Variants in AVEN observed in about 807,000 individuals in gnomAD.
The protein encoded by AVEN is apoptosis and caspase activation inhibitor, also known as cell death regulator Aven.
Under a neutral mutation model 38.1 loss-of-function variants are expected in AVEN, and 41 were observed. The ratio of observed to expected loss-of-function variants is 1.08; its 90% CI spans 0.84 to 1.40. The LOEUF is 1.40. Among genes scored for constraint, AVEN ranks in the 40% most tolerant of loss-of-function variants. The pLI is 0.00. For synonymous variants in AVEN, 206 were observed against 171.8 expected (o/e 1.20, Z -1.56); for missense variants, 605 against 438.8 (o/e 1.38, Z -3.38).
chr15:33,909,626 G>C (rs2153045092), intron 2 of AVEN, among the ~76,000 whole-genome samples: 1 of 152,258 alleles, frequency 6.6e-6, no homozygotes, highest in South Asian at 2.1e-4. Flanking sequence ...ATCCTGGTTA[G>C]ATGCTAAAGG....
intron 11 of AVEN, chr15:33,860,468 A>G (rs1887769717): frequency 1.8e-6 from 1 of 554,772 alleles, no homozygotes; most frequent in Non-Finnish European, 3.2e-6. Context: ...CACGAGTATT[A>G]TTTTTCTAAT....
downstream of AVEN, chr15:33,854,621 T>G: frequency 8.7e-7 from 1 of 1,147,616 alleles, no homozygotes; most frequent in Non-Finnish European, 1.3e-6. Flanking sequence ...TGGGGCTCAC[T>G]TAGCAGATCT....
chr15:33,883,121 T>C (rs1442900129), intron 2 of AVEN, among the ~76,000 whole-genome samples: 1 of 152,202 alleles, frequency 6.6e-6, no homozygotes, highest in Non-Finnish European at 1.5e-5. Flanking sequence ...CAAGCGTAGT[T>C]GCTGAGGAAC....
chr15:33,959,814 A>T (rs768706604), intron 2 of AVEN, among the ~76,000 whole-genome samples: 1 of 152,258 alleles, frequency 6.6e-6, no homozygotes, highest in Non-Finnish European at 1.5e-5. Flanking sequence ...TACAACATGG[A>T]ATGTGACAAC....
intron 2 of AVEN, among the ~76,000 whole-genome samples, chr15:33,938,095 GAA>G (rs1428413735): frequency 6.6e-6 from 1 of 152,038 alleles, no homozygotes; most frequent in Non-Finnish European, 1.5e-5. Context: ...TAGGGGGAAA[GAA>G]AGATTTCTTG....
intron 1 of AVEN, among the ~76,000 whole-genome samples, chr15:34,072,602 T>C (rs1394125321): frequency 2.6e-5 from 1 of 38,722 alleles, no homozygotes; most frequent in Non-Finnish European, 1.7e-4. Context: ...AGAGATTCTG[T>C]ATCAAAAAAA....
At chr15:33,881,408 T>C (rs2153037968) in intron 2 of AVEN, among the ~76,000 whole-genome samples, 1 of 141,190 alleles carries the variant, frequency 7.1e-6, no homozygotes, top group Admixed American at 7.0e-5. Context: ...TATTATTATG[T>C]TTTAGATAAG....
At chr15:33,875,367 G>C (rs1891174324) in intron 3 of AVEN, among the ~76,000 whole-genome samples, 1 of 152,176 alleles carries the variant, frequency 6.6e-6, no homozygotes, top group Non-Finnish European at 1.5e-5. Flanking sequence ...GAGGAAGCCT[G>C]CTTGGAAAAT....
intron 2 of AVEN, among the ~76,000 whole-genome samples, chr15:33,896,717 C>T (rs1892248607): frequency 6.6e-6 from 1 of 152,206 alleles, no homozygotes; most frequent in Non-Finnish European, 1.5e-5. Context: ...GGAGCCTAAT[C>T]ATTCATCCTT....
At chr15:33,856,320 C>G (rs1003988205), downstream of AVEN, 7 of 152,300 alleles carry the variant, frequency 4.6e-5, no homozygotes, top group Non-Finnish European at 7.3e-5. Flanking sequence ...TACCCACTCC[C>G]TTTTGTGTGG....
chr15:33,855,547 T>C (rs368704562), downstream of AVEN, among the ~76,000 whole-genome samples: 2 of 152,166 alleles, frequency 1.3e-5, no homozygotes, highest in Middle Eastern at 3.2e-3. Flanking sequence ...GAATCTGATA[T>C]ATTCCCTGGG....
intron 1 of AVEN, among the ~76,000 whole-genome samples, chr15:34,030,065 C>T (rs1898698781): frequency 6.6e-6 from 1 of 151,926 alleles, no homozygotes; most frequent in Non-Finnish European, 1.5e-5. Context: ...CCCAGCCTGG[C>T]CAACATGGTG....
At chr15:34,011,322 A>C (rs1897627896) in intron 1 of AVEN, among the ~76,000 whole-genome samples, 1 of 152,238 alleles carries the variant, frequency 6.6e-6, no homozygotes, top group South Asian at 2.1e-4. Context: ...ACGGATATAC[A>C]AAAAAGGGCG....
chr15:33,906,672 T>G (rs1396118667), intron 2 of AVEN, among the ~76,000 whole-genome samples: 1 of 152,170 alleles, frequency 6.6e-6, no homozygotes, highest in Non-Finnish European at 1.5e-5. Context: ...ATGAGTTACC[T>G]AGAGTAGTCA....
At chr15:34,049,252 C>A (rs1899840299) in intron 5 of AVEN, among the ~76,000 whole-genome samples, 1 of 152,164 alleles carries the variant, frequency 6.6e-6, no homozygotes, top group Admixed American at 6.5e-5. Context: ...TAATAACAAA[C>A]TTCACTGAGC....
At chr15:33,938,246 G>A (rs768169428) in intron 2 of AVEN, among the ~76,000 whole-genome samples, 16 of 152,070 alleles carry the variant, frequency 1.1e-4, no homozygotes, top group Non-Finnish European at 1.8e-4. Context: ...ACGAGGTCAG[G>A]AGATCGAGAC....
downstream of AVEN, among the ~76,000 whole-genome samples, chr15:33,864,489 G>A (rs1332211442): frequency 6.6e-6 from 1 of 152,136 alleles, no homozygotes; most frequent in East Asian, 1.9e-4. Context: ...AATGGAGTGG[G>A]TGGCTGCAAC....
intron 2 of AVEN, among the ~76,000 whole-genome samples, chr15:33,933,544 G>C (rs1174251675): frequency 0.012 from 1,477 of 126,554 alleles, 34 homozygotes; most frequent in African/African-American, 0.047. Flanking sequence ...GAGAGAGAGA[G>C]AGAGAGAGAG....
intron 1 of AVEN, among the ~76,000 whole-genome samples, chr15:34,013,836 A>G (rs969617413): frequency 2.6e-5 from 4 of 152,158 alleles, no homozygotes; most frequent in Non-Finnish European, 2.9e-5. Context: ...AGTATGTACG[A>G]GGACCCATGA....
Sources: allele counts gnomAD v4.1 joint callset (sites outside exome capture counted in the v4.1 genomes callset), GRCh38; gene constraint gnomAD v4.1.1; transcripts MANE v1.5; gene names NCBI Gene and HGNC (gene_info 2026-07-23, HGNC 2026-07-21).